WDR7: variants seen among roughly 807,000 people sequenced by gnomAD.
WDR7 encodes WD repeat-containing protein 7.
A neutral mutation model predicts 169.4 loss-of-function variants in WDR7; 46 were observed. The observed-to-expected ratio is 0.27, with a 90% CI of 0.21 to 0.35. The LOEUF (loss-of-function observed/expected upper bound fraction) is 0.35. WDR7 is among the 10% of genes least tolerant of loss of function. WDR7 has a pLI of 1.00. For synonymous variants in WDR7, 612 were observed against 666.8 expected, an observed-to-expected ratio of 0.92 and a Z score of 1.27; for missense variants, 1,534 against 1,859.3, an observed-to-expected ratio of 0.83 and a Z score of 3.22.
At chr18:56,813,777 C>T (rs1182840167) in intron 19 of WDR7, among the ~76,000 whole-genome samples, 3 of 151,962 alleles carry the variant, frequency 2.0e-5, no homozygotes, top group Admixed American at 6.6e-5. Context: ...ATAACCCTTA[C>T]TAAGTTTTGG....
chr18:56,755,903 C>CG (rs1220691033), intron 14 of WDR7, among the ~76,000 whole-genome samples: 1 of 151,712 alleles, frequency 6.6e-6, no homozygotes, highest in Non-Finnish European at 1.5e-5. Flanking sequence ...CTTTCTATCT[C>CG]GGGAAAAAAT....
intron 20 of WDR7, among the ~76,000 whole-genome samples, chr18:56,820,027 A>G (rs2045060342): frequency 6.6e-6 from 1 of 152,112 alleles, no homozygotes; most frequent in Admixed American, 6.6e-5. Context: ...TGGATTGATC[A>G]TAATCTGCTT....
intron 21 of WDR7, chr18:56,891,019 T>G (rs1370618773): frequency 6.6e-6 from 1 of 152,194 alleles, no homozygotes; most frequent in Non-Finnish European, 1.5e-5. Context: ...ATCTGTATTC[T>G]TTTTAAAACT....
intron 25 of WDR7, among the ~76,000 whole-genome samples, chr18:56,949,388 T>G (rs1305112784): frequency 1.3e-5 from 2 of 152,206 alleles, no homozygotes; most frequent in African/African-American, 4.8e-5. Context: ...TTATGAAAAA[T>G]ACTTTCCAAA....
intron 21 of WDR7, among the ~76,000 whole-genome samples, chr18:56,921,607 G>A (rs888421882): frequency 2.0e-5 from 3 of 152,160 alleles, no homozygotes; most frequent in Non-Finnish European, 4.4e-5. Context: ...TGACAGAGGA[G>A]CAGCAGGCAC....
Position 57,027,469 on chromosome 18 carries a change from A to G in WDR7, c.*262A>G. On this transcript the variant is annotated 3_prime_UTR_variant, in exon 28 of 28. Transcript: ENST00000254442. The stretch of plus-strand genomic sequence containing the variant: ...GTAGTTTTTCCCTGCCAGAGATGGC[A>G]GGGGAAAGCCAGTGGTTCCTGGGAA... 1.9e-6 allele frequency: 1 copy of G among 519,780 alleles called. No homozygotes were observed. Among genetic ancestry groups the G allele is most frequent in the Non-Finnish European group, 3.4e-6 (1 of 293,168 alleles). The allele number at this position is 519,780 out of a possible 1,614,324, so 32.2% of individuals were successfully genotyped here.
intron 21 of WDR7, among the ~76,000 whole-genome samples, chr18:56,912,315 A>G (rs2046563850): frequency 6.6e-6 from 1 of 152,206 alleles, no homozygotes; most frequent in African/African-American, 2.4e-5. Context: ...AGAGACACTC[A>G]TATCCATTTC....
At chr18:56,808,549 T>A (rs935701471) in intron 19 of WDR7, among the ~76,000 whole-genome samples, 3 of 152,170 alleles carry the variant, frequency 2.0e-5, no homozygotes, top group Non-Finnish European at 2.9e-5. Flanking sequence ...TATAATGAAC[T>A]GAAGTGGTTT....
At chr18:56,692,005 G>A (rs982895107) in intron 9 of WDR7, among the ~76,000 whole-genome samples, 188 bp downstream of exon 9, 12 of 152,140 alleles carry the variant, frequency 7.9e-5, no homozygotes, top group African/African-American at 2.2e-4. Context: ...CATATAATAT[G>A]CCTATGAAAT....
At chr18:56,788,119 G>A (rs1191732751) in intron 19 of WDR7, among the ~76,000 whole-genome samples, 2 of 152,138 alleles carry the variant, frequency 1.3e-5, no homozygotes, top group East Asian at 1.9e-4. Flanking sequence ...AAATGCTCAG[G>A]TTATTTTTTA....
intron 25 of WDR7, among the ~76,000 whole-genome samples, chr18:56,942,889 ATAT>A (rs558113188): frequency 2.6e-5 from 4 of 152,366 alleles, no homozygotes; most frequent in Non-Finnish European, 2.9e-5. Context: ...AGTTATGTAG[ATAT>A]TATTAAGATT....
chr18:56,944,846 C>A (rs916442481), intron 25 of WDR7, among the ~76,000 whole-genome samples: 9 of 151,962 alleles, frequency 5.9e-5, no homozygotes, highest in Admixed American at 3.3e-4. Flanking sequence ...GTTTTCAAAC[C>A]TATTAATTCA....
intron 19 of WDR7, among the ~76,000 whole-genome samples, chr18:56,800,614 C>G (rs1347342492): frequency 2.0e-5 from 3 of 152,062 alleles, no homozygotes; most frequent in African/African-American, 4.8e-5. Flanking sequence ...TATTTTGTCC[C>G]CAAAGACCCA....
chr18:56,951,480 C>T (rs1051408571), intron 25 of WDR7, among the ~76,000 whole-genome samples: 1 of 152,078 alleles, frequency 6.6e-6, no homozygotes, highest in Admixed American at 6.6e-5. Flanking sequence ...TCTCATCTGT[C>T]GATTCTAAGG....
intron 26 of WDR7, among the ~76,000 whole-genome samples, chr18:56,983,162 A>G (rs936003869): frequency 2.6e-5 from 4 of 152,002 alleles, no homozygotes; most frequent in African/African-American, 9.7e-5. Flanking sequence ...GACTGTGTAT[A>G]CTCTTGCTTT....
intron 19 of WDR7, among the ~76,000 whole-genome samples, chr18:56,797,368 C>T (rs8092934): frequency 0.038 from 5,833 of 152,116 alleles, 368 homozygotes; most frequent in African/African-American, 0.13. Context: ...TAACAACAAA[C>T]CCACCTTCTA....
intron 19 of WDR7, among the ~76,000 whole-genome samples, chr18:56,797,155 G>T (rs1347214880): frequency 6.6e-6 from 1 of 152,174 alleles, no homozygotes; most frequent in Non-Finnish European, 1.5e-5. Flanking sequence ...GGTATTACGT[G>T]TTTGAATCCA....
At chr18:56,692,662 T>C (rs2025601946) in intron 9 of WDR7, among the ~76,000 whole-genome samples, 1 of 151,978 alleles carries the variant, frequency 6.6e-6, no homozygotes, top group African/African-American at 2.4e-5. Flanking sequence ...TAGATAGTCA[T>C]GTCCAATTAA....
chr18:56,759,496 T>C (rs1053869873), intron 16 of WDR7, among the ~76,000 whole-genome samples: 1 of 152,196 alleles, frequency 6.6e-6, no homozygotes, highest in Admixed American at 6.5e-5. Context: ...CTTCCTCTAC[T>C]AATAATTTCT....
Sources: allele counts gnomAD v4.1 joint callset (sites outside exome capture counted in the v4.1 genomes callset), GRCh38; gene constraint gnomAD v4.1.1; transcripts MANE v1.5; gene names NCBI Gene and HGNC (gene_info 2026-07-23, HGNC 2026-07-21).